Variants in DISP3 observed in about 807,000 individuals in gnomAD.
The protein encoded by DISP3 is dispatched RND transporter family member 3.
Under a neutral mutation model 135.3 loss-of-function variants are expected in DISP3, and 101 were observed. The observed-to-expected ratio is 0.75, with a 90% CI of 0.64 to 0.88. The LOEUF (loss-of-function observed/expected upper bound fraction) is 0.88, where lower values mean the gene tolerates loss of function less well. DISP3 is among the 40% of genes least tolerant of loss of function. DISP3 has a pLI of 0.00. For missense variants in DISP3, 1,713 were observed against 1,878.6 expected (o/e 0.91, Z 1.63); for synonymous variants, 856 against 817.0 (o/e 1.05, Z -0.81).
At position 11,530,203 on chromosome 1, in the gene DISP3, G is replaced by A. The variant is rs114324305; in HGVS notation, c.3102+244G>A. ...AGGGCCCAAGCTGGATGCCTGTGAG[G>A]GACTGGAATGGAGAGAGGGCAATCC... On this transcript the variant is annotated intron_variant, in intron 15 of 20. Transcript: ENST00000294484. Among the ~76,000 whole-genome samples the A allele has an allele frequency of 2.5e-3, 385 of 152,282 alleles. 1 individual carries two copies. The highest frequency in any genetic ancestry group is 5.5e-3 in the Admixed American group (84 of 15,302).
At chr1:11,494,467 G>T (rs1015396347) in intron 1 of DISP3, among the ~76,000 whole-genome samples, 1 of 152,198 alleles carries the variant, frequency 6.6e-6, no homozygotes, top group Non-Finnish European at 1.5e-5. Flanking sequence ...AAAGGTTTGG[G>T]ATTCTGATGA....
intron 1 of DISP3, among the ~76,000 whole-genome samples, chr1:11,486,233 G>T (rs115534453): frequency 6.6e-6 from 1 of 152,110 alleles, no homozygotes; most frequent in African/African-American, 2.4e-5. Flanking sequence ...GTGTGGGGAC[G>T]CCCAGGTTGA....
chr1:11,498,461 TC>T (rs1641404981), intron 1 of DISP3, among the ~76,000 whole-genome samples: 1 of 152,142 alleles, frequency 6.6e-6, no homozygotes, highest in African/African-American at 2.4e-5. Flanking sequence ...CAGTGGCTGA[TC>T]CCAAGGATGA....
At chr1:11,512,356 C>T (rs764976665) in intron 3 of DISP3, among the ~76,000 whole-genome samples, 5 of 152,158 alleles carry the variant, frequency 3.3e-5, no homozygotes, top group Admixed American at 2.6e-4. Context: ...CCCAAGTCAC[C>T]TCTCAAATGC....
In DISP3 at chr1:11,527,021, C is replaced by T. The variant is rs577683763; in HGVS notation, c.2798+186C>T. Among the ~76,000 whole-genome samples the T allele has an allele frequency of 3.3e-5, 5 of 152,064 alleles. No individual in the cohort carries two copies. In the South Asian group the frequency reaches 1.0e-3, roughly 32 times the overall value. On this transcript the variant is annotated intron_variant, in intron 13 of 20. Transcript: ENST00000294484. ...TCTTGGCTCACTGTAACCTCTGCCT[C>T]CCAGGTTCAAGTGATTCTTCTGCCT...
chr1:11,526,815 C>T lies in DISP3; in HGVS notation c.2778C>T (p.Thr926=). The change falls in exon 13 of 21, where the codon ACC becomes ACT. Residue 926 remains threonine (T), a synonymous_variant. Transcript: ENST00000294484. The part of the protein sequence containing the change: ...WKFDFSFYVA[T]KEQQHTRKLY... ...TTGACTTCAGCTTCTACGTGGCCAC[C>T]AAGGAGCAGCAGCACACCCGGTAAC... is the stretch of plus-strand genomic sequence containing the variant. The T allele has an allele frequency of 6.2e-7, 1 of 1,606,394 alleles. No homozygotes were observed.
intron 1 of DISP3, among the ~76,000 whole-genome samples, chr1:11,494,661 A>C (rs572610083): frequency 6.6e-6 from 1 of 152,212 alleles, no homozygotes; most frequent in Non-Finnish European, 1.5e-5. Context: ...CAAGGGTAAG[A>C]GAATCAAAGA....
intron 10 of DISP3, among the ~76,000 whole-genome samples, chr1:11,521,575 G>C: frequency 7.7e-6 from 1 of 130,036 alleles, no homozygotes; most frequent in African/African-American, 2.9e-5. Context: ...GAGGGAAGAG[G>C]AGGAGTTAGC....
intron 6 of DISP3, among the ~76,000 whole-genome samples, chr1:11,517,161 A>G (rs1324042506): frequency 1.3e-5 from 2 of 152,132 alleles, no homozygotes; most frequent in Admixed American, 6.5e-5. Flanking sequence ...CATTCGCGTA[A>G]TGACAGCTAC....
Position 11,519,712 on chromosome 1 carries a change from C to T in DISP3, c.2039-7C>T, listed in dbSNP as rs1642122315. ...GGCTCTGACGGGCCACTGCTCTGCC[C>T]TGGCAGTGTCACTGGAGCTGGGAGA... On this transcript the variant is annotated splice_region_variant and splice_polypyrimidine_tract_variant and intron_variant, in intron 8 of 20. Transcript: ENST00000294484. This position sits in a 1 kb window ranked among gnomAD's most constrained non-coding sequence, Gnocchi z 4.3. 2 of 1,612,020 alleles carry T rather than the reference C, an allele frequency of 1.2e-6. No individual in the cohort carries two copies.
At chr1:11,528,761 C>T (rs561400341) in intron 13 of DISP3, among the ~76,000 whole-genome samples, 14 of 152,152 alleles carry the variant, frequency 9.2e-5, no homozygotes, top group East Asian at 3.9e-4. Context: ...TGGTGATGCA[C>T]GGGGACTGTG....
rs756362562 is a variant in DISP3, at chr1:11,530,942, C to G, written c.3138C>G (p.Phe1046Leu). Residue 1046 changes from phenylalanine to leucine, a missense_variant, in exon 16 of 21, where the codon TTC becomes TTG. Transcript: ENST00000294484. Reference sequence around the variant, plus strand: ...TCTACGACAGCAGCTTTGACCTCTTCAAGGAAATTGGGCACCTGTGTCACC... The same window carrying G: ...TCTACGACAGCAGCTTTGACCTCTTGAAGGAAATTGGGCACCTGTGTCACC... ...SVVYDSSFDLFKEIGHLCHLC... is the reference protein window; with the variant it reads ...SVVYDSSFDLLKEIGHLCHLC... 75 of 1,614,020 alleles carry G rather than the reference C, an allele frequency of 4.6e-5. 1 individual carries two copies. The South Asian group carries it at 7.7e-4, about 17-fold the overall frequency.
intron 1 of DISP3, among the ~76,000 whole-genome samples, chr1:11,497,412 G>C (rs890069294): frequency 6.6e-6 from 1 of 150,914 alleles, no homozygotes; most frequent in African/African-American, 2.4e-5. Context: ...TTTAGACGGA[G>C]TCTTGCTCTG....
intron 1 of DISP3, among the ~76,000 whole-genome samples, chr1:11,496,899 A>G (rs1557596122): frequency 6.6e-6 from 1 of 152,202 alleles, no homozygotes. Flanking sequence ...AGGGCAGGAC[A>G]TACCCAGGGC....
chr1:11,486,223 G>A (rs527531253), intron 1 of DISP3, among the ~76,000 whole-genome samples: 71 of 152,320 alleles, frequency 4.7e-4, no homozygotes, highest in African/African-American at 1.6e-3. Context: ...ACATGATCGT[G>A]TGTGGGGACG....
Position 11,522,628 on chromosome 1 carries a change from A to AGCCCAGCCAGG in DISP3, c.2363-1304_2363-1303insGGCCCAGCCAG, listed in dbSNP as rs1557615053. 3.7e-4 allele frequency among the ~76,000 whole-genome samples: 9 copies of AGCCCAGCCAGG among 24,298 alleles called. 1 individual carries two copies. The highest frequency in any genetic ancestry group is 0.023 in the Middle Eastern group (1 of 44). The allele number at this position is 24,298 out of a possible 152,430, so 15.9% of individuals were successfully genotyped here. A position where few individuals can be genotyped will look rare whatever the true frequency, so the allele number is the denominator to read the frequency against. The stretch of plus-strand genomic sequence containing the variant: ...CAGAGCCCAGCCAGGACCCAGCCAG[A>AGCCCAGCCAGG]GCCCAGCCAGAGCCCAGCCAGGGCC... On this transcript the variant is annotated intron_variant, in intron 10 of 20. Transcript: ENST00000294484.
chr1:11,507,726 G>T (rs1377417974), intron 3 of DISP3, among the ~76,000 whole-genome samples: 1 of 152,222 alleles, frequency 6.6e-6, no homozygotes, highest in Non-Finnish European at 1.5e-5. Flanking sequence ...ATCACAGATA[G>T]TTTCTGAATT....
intron 7 of DISP3, among the ~76,000 whole-genome samples, chr1:11,518,502 T>C (rs570308120): frequency 2.0e-5 from 3 of 152,304 alleles, no homozygotes; most frequent in East Asian, 1.9e-4. Flanking sequence ...TTTCATGATA[T>C]AGAAGCAGCG....
chr1:11,516,036 C>T lies in DISP3; in HGVS notation c.1624C>T (p.Arg542Cys), dbSNP rs374610106. 44 of 1,613,918 alleles carry T rather than the reference C, an allele frequency of 2.7e-5. No homozygotes were observed. Among genetic ancestry groups the T allele is most frequent in the Non-Finnish European group, 3.6e-5 (43 of 1,179,990 alleles). ...DDVFVFINTY[R>C]QATHLEDPQL... ...TGTCTTTGTGTTCATCAACACCTAC[C>T]GCCAGGCCACCCACCTGGAAGACCC... The change falls in exon 6 of 21, where the codon CGC becomes TGC. Residue 542 changes from arginine (R) to cysteine (C), a missense_variant. Physicochemically the swap from Arg to Cys is radical, Grantham distance 180. Around this residue, in one of 2 missense-constraint regions of DISP3, gnomAD observed 1,142 missense variants for 1,384.6 expected, o/e 0.82. Coordinates refer to ENST00000294484, the MANE Select transcript of DISP3 (RefSeq NM_020780.2). The surrounding 1 kb of genome is among the most constrained non-coding windows in gnomAD (Gnocchi z 5.1).
Sources: allele counts gnomAD v4.1 joint callset (sites outside exome capture counted in the v4.1 genomes callset), GRCh38; gene constraint gnomAD v4.1.1; regional missense constraint gnomAD v4.1.1; non-coding constraint Gnocchi (gnomAD v3.1); transcripts MANE v1.5; gene names NCBI Gene and HGNC (gene_info 2026-07-23, HGNC 2026-07-21).